KCNH1: variants seen among roughly 807,000 people sequenced by gnomAD.
KCNH1 encodes the protein potassium voltage-gated channel subfamily H member 1.
Under a neutral mutation model 69.2 loss-of-function variants are expected in KCNH1, and 27 were observed. The ratio of observed to expected loss-of-function variants is 0.39; its 90% CI spans 0.29 to 0.54. The LOEUF (loss-of-function observed/expected upper bound fraction) is 0.54. Ranked by LOEUF, KCNH1 falls within the 20% of genes least tolerant of loss-of-function variation. KCNH1 has a pLI of 0.68. For synonymous variants in KCNH1, 456 were observed against 487.7 expected (o/e 0.93, Z 0.86); for missense variants, 798 against 1,261.6 (o/e 0.63, Z 5.57).
intron 6 of KCNH1, 93 bp from the exon 7 acceptor site, chr1:210,920,162 T>C (rs558482897): frequency 1.3e-4 from 143 of 1,072,476 alleles, no homozygotes; most frequent in Non-Finnish European, 1.8e-4. Flanking sequence ...TTAAGCATAG[T>C]GTATTTCCAT....
At chr1:210,802,087 G>C (rs116587912) in intron 8 of KCNH1, among the ~76,000 whole-genome samples, 1,591 of 152,276 alleles carry the variant, frequency 0.01, 30 homozygotes, top group African/African-American at 0.037. Context: ...TTGCTGTGGA[G>C]GCTAAATGAG....
intron 6 of KCNH1, among the ~76,000 whole-genome samples, chr1:210,961,321 T>C (rs7553997): frequency 0.22 from 32,807 of 152,014 alleles, 5,140 homozygotes; most frequent in African/African-American, 0.42. Flanking sequence ...AGCAGATTTT[T>C]TTTCAGGCAT....
At chr1:211,061,966 C>A (rs1004915663) in intron 5 of KCNH1, among the ~76,000 whole-genome samples, 19 of 151,976 alleles carry the variant, frequency 1.3e-4, no homozygotes, top group Non-Finnish European at 2.9e-5. Flanking sequence ...AAAAATTAAT[C>A]CTAAAATTTA....
At chr1:211,041,279 C>T (rs1313038349) in intron 5 of KCNH1, among the ~76,000 whole-genome samples, 2 of 152,200 alleles carry the variant, frequency 1.3e-5, no homozygotes, top group African/African-American at 2.4e-5. Context: ...CTCTCAGCAG[C>T]ATGCACAGTT....
intron 3 of KCNH1, among the ~76,000 whole-genome samples, chr1:211,100,197 A>T (rs748749135): frequency 6.6e-6 from 1 of 151,906 alleles, no homozygotes; most frequent in Non-Finnish European, 1.5e-5. Flanking sequence ...CTGATGACAT[A>T]CTTACCCTGC....
chr1:210,984,517 A>G (rs1173159128), intron 6 of KCNH1, among the ~76,000 whole-genome samples: 1 of 152,154 alleles, frequency 6.6e-6, no homozygotes, highest in African/African-American at 2.4e-5. Context: ...TCTTTTCTGC[A>G]TCTATTGAGA....
intron 7 of KCNH1, among the ~76,000 whole-genome samples, chr1:210,907,622 G>A (rs1574331286): frequency 6.6e-6 from 1 of 152,276 alleles, no homozygotes; most frequent in Non-Finnish European, 1.5e-5. Flanking sequence ...CTGAGCACAG[G>A]TGGAGGAGGG....
At chr1:210,726,485 G>T (rs953536257) in intron 10 of KCNH1, among the ~76,000 whole-genome samples, 1 of 152,128 alleles carries the variant, frequency 6.6e-6, no homozygotes, top group African/African-American at 2.4e-5. Flanking sequence ...ATCATCTCAG[G>T]GAGGCAAGCT....
intron 5 of KCNH1, among the ~76,000 whole-genome samples, chr1:211,051,013 T>TTGTTGTTGTTC (rs1690196484): frequency 1.8e-5 from 1 of 56,866 alleles, no homozygotes; most frequent in African/African-American, 8.9e-5. Context: ...TGTTGTTGTT[T>TTGTTGTTGTTC]TGAGAGAAGA....
chr1:211,126,822 G>C (rs139084079), intron 1 of KCNH1, among the ~76,000 whole-genome samples: 156 of 151,638 alleles, frequency 1.0e-3, no homozygotes, highest in African/African-American at 3.4e-3. Context: ...AGAAGACAGA[G>C]CAATGGGATA....
intron 10 of KCNH1, among the ~76,000 whole-genome samples, chr1:210,752,089 G>A (rs938649246): frequency 5.3e-5 from 8 of 152,270 alleles, no homozygotes; most frequent in East Asian, 1.9e-4. Flanking sequence ...GTAGCCCAGT[G>A]GGGCAAAGGT....
At chr1:210,729,879 C>A (rs1682701940) in intron 10 of KCNH1, among the ~76,000 whole-genome samples, 1 of 152,164 alleles carries the variant, frequency 6.6e-6, no homozygotes, top group Non-Finnish European at 1.5e-5. Context: ...GTAGCTTTTG[C>A]CATATCAGCT....
chr1:211,050,510 A>G (rs1690182299), intron 5 of KCNH1, among the ~76,000 whole-genome samples: 1 of 152,156 alleles, frequency 6.6e-6, no homozygotes, highest in Non-Finnish European at 1.5e-5. Flanking sequence ...AGTATTAACC[A>G]TACGCTTTAC....
chr1:210,902,157 G>T (rs922372425), intron 7 of KCNH1, among the ~76,000 whole-genome samples: 2 of 152,248 alleles, frequency 1.3e-5, no homozygotes, highest in East Asian at 1.9e-4. Context: ...GCCCCTACCC[G>T]CAACCTTCCC....
At chr1:210,816,035 T>C (rs998402323) in intron 7 of KCNH1, among the ~76,000 whole-genome samples, 3 of 152,222 alleles carry the variant, frequency 2.0e-5, no homozygotes, top group Admixed American at 1.3e-4. Context: ...GATCTCACTC[T>C]TGTTAATCAG....
chr1:211,132,860 T>C (rs1301017510), intron 1 of KCNH1: 3 of 152,182 alleles, frequency 2.0e-5, no homozygotes, highest in African/African-American at 7.2e-5. Flanking sequence ...AATATAGCCA[T>C]TTGATGAACT....
chr1:210,969,799 A>T (rs950125063), intron 6 of KCNH1, among the ~76,000 whole-genome samples: 1 of 152,070 alleles, frequency 6.6e-6, no homozygotes, highest in African/African-American at 2.4e-5. Flanking sequence ...TTGTTTTTTT[A>T]AACTATCATT....
At chr1:210,838,768 T>C (rs1413340404) in intron 7 of KCNH1, among the ~76,000 whole-genome samples, 1 of 152,168 alleles carries the variant, frequency 6.6e-6, no homozygotes, top group Non-Finnish European at 1.5e-5. Context: ...GAACAGACAC[T>C]TCTCAAAAGA....
chr1:210,915,274 C>A (rs1380356029), intron 7 of KCNH1, among the ~76,000 whole-genome samples: 1 of 152,148 alleles, frequency 6.6e-6, no homozygotes. Flanking sequence ...ATCACCCAGA[C>A]TGTCAACTCC....
Sources: allele counts gnomAD v4.1 joint callset (sites outside exome capture counted in the v4.1 genomes callset), GRCh38; gene constraint gnomAD v4.1.1; transcripts MANE v1.5; gene names NCBI Gene and HGNC (gene_info 2026-07-23, HGNC 2026-07-21).